Variants in CNGB3 observed in about 807,000 individuals in gnomAD.
The protein encoded by CNGB3 is cyclic nucleotide gated channel subunit beta 3.
CNGB3 carries 86 observed loss-of-function variants against 92.8 expected under a neutral mutation model. The observed-to-expected ratio is 0.93, with a 90% CI of 0.78 to 1.11. CNGB3 has a LOEUF of 1.11. Ranked by LOEUF, CNGB3 falls within the 50% of genes least tolerant of loss-of-function variation. The pLI, the probability that CNGB3 is intolerant of heterozygous loss-of-function variation, is 0.00. For synonymous variants in CNGB3, 333 were observed against 332.7 expected (o/e 1.00, Z -0.01); for missense variants, 1,026 against 956.8 (o/e 1.07, Z -0.95).
At chr8:86,582,107 T>TAGAC (rs71574283) in intron 15 of CNGB3, among the ~76,000 whole-genome samples, 94,765 of 151,604 alleles carry the variant, frequency 0.63, 30,377 homozygotes, top group Admixed American at 0.71. Context: ...TTGGAGTTAT[T>TAGAC]AGGAAATATT....
intron 2 of CNGB3, among the ~76,000 whole-genome samples, chr8:86,739,292 A>G (rs988540046): frequency 2.6e-5 from 4 of 152,166 alleles, no homozygotes; most frequent in African/African-American, 9.7e-5. Flanking sequence ...ATGTCTTCAT[A>G]TTGCTTATCA....
In CNGB3 at chr8:86,708,187, C is replaced by T. The variant is rs538937377; in HGVS notation, c.338+18344G>A. Among the ~76,000 whole-genome samples, 212 of 152,182 alleles carry T rather than the reference C, an allele frequency of 1.4e-3. 1 individual carries two copies. Among genetic ancestry groups the T allele is most frequent in the African/African-American group, 4.8e-3 (200 of 41,536 alleles). Reference sequence around the variant, plus strand: ...CCATGGGACTGAATAAAATCACTTGCTAAAAGAATCTAGGTAAAGAAGGGG... The same window carrying T: ...CCATGGGACTGAATAAAATCACTTGTTAAAAGAATCTAGGTAAAGAAGGGG... On this transcript the variant is annotated intron_variant, in intron 3 of 17. Transcript: ENST00000320005.
chr8:86,632,696 C>G (rs67463707), intron 11 of CNGB3, 56 bp downstream of exon 11: 2 of 1,557,870 alleles, frequency 1.3e-6, no homozygotes, highest in Non-Finnish European at 1.8e-6. Context: ...TTACAAAGAC[C>G]TGTTAGTCTT....
Position 86,626,007 on chromosome 8 carries a change from G to C in CNGB3, c.1554C>G (p.Ile518Met). 6.2e-7 allele frequency: 1 copy of C among 1,613,792 alleles called. No individual in the cohort carries two copies. The highest frequency in any genetic ancestry group is 8.5e-7 in the Non-Finnish European group (1 of 1,179,836). Residue 518 changes from isoleucine (I) to methionine (M), a missense_variant, in exon 13 of 18, where the codon ATC becomes ATG. Ile to Met is a conservative substitution (Grantham distance 10). Coordinates refer to ENST00000320005, the MANE Select transcript of CNGB3 (RefSeq NM_019098.5). ...CCTTGAACAAGTCGACTTTGCTGAT[G>C]ATGCTGAAGTTCACATCAATGGCGA... is the stretch of plus-strand genomic sequence containing the variant. ...LALAIDVNFS[I>M]ISKVDLFKGC...
intron 7 of CNGB3, among the ~76,000 whole-genome samples, chr8:86,651,676 A>G (rs13278533): frequency 0.061 from 9,267 of 151,844 alleles, 313 homozygotes; most frequent in South Asian, 0.12. Flanking sequence ...TTAATCATTG[A>G]CCATTTTTGG....
At chr8:86,635,820 T>TTATATATATATATA (rs1563735294) in intron 10 of CNGB3, among the ~76,000 whole-genome samples, 1 of 62,136 alleles carries the variant, frequency 1.6e-5, no homozygotes, top group Non-Finnish European at 3.0e-5. Flanking sequence ...GTATAACACA[T>TTATATATATATATA]GATATATATA....
chr8:86,612,318 C>T (rs936670436), intron 13 of CNGB3, among the ~76,000 whole-genome samples: 6 of 152,108 alleles, frequency 3.9e-5, no homozygotes, highest in Admixed American at 3.9e-4. Flanking sequence ...ATAACTATAT[C>T]TATATGAGCT....
chr8:86,735,467 A>G (rs1180170642), intron 2 of CNGB3, among the ~76,000 whole-genome samples: 1 of 152,192 alleles, frequency 6.6e-6, no homozygotes, highest in African/African-American at 2.4e-5. Flanking sequence ...GCTTAAAGCA[A>G]CACAGTCAGT....
chr8:86,629,922 C>A (rs3779800), intron 11 of CNGB3, among the ~76,000 whole-genome samples: 53,751 of 151,950 alleles, frequency 0.35, 10,330 homozygotes, highest in African/African-American at 0.51. Context: ...TGGGTTTATA[C>A]TAGGGAGGAA....
At chr8:86,578,655 C>G in intron 17 of CNGB3, 34 bp downstream of exon 17, 1 of 1,610,070 alleles carries the variant, frequency 6.2e-7, no homozygotes, top group Non-Finnish European at 8.5e-7. Flanking sequence ...GGGGCCTTCT[C>G]CATGACAGCC....
At chr8:86,671,123 A>C (rs1388706459) in intron 3 of CNGB3, 25 bp from the exon 4 acceptor site, 3 of 1,611,992 alleles carry the variant, frequency 1.9e-6, no homozygotes, top group Admixed American at 3.3e-5. Context: ...AAATGGCAAT[A>C]GAGATGGGCC....
At chr8:86,653,710 C>T (rs1823448641) in intron 7 of CNGB3, among the ~76,000 whole-genome samples, 1 of 152,006 alleles carries the variant, frequency 6.6e-6, no homozygotes, top group South Asian at 2.1e-4. Flanking sequence ...TAATTGGGGG[C>T]TAGAATTTTG....
rs547170223 is a variant in CNGB3 at position 86,735,203 on chromosome 8, C to T, written c.211+4452G>A. 4.4e-3 allele frequency among the ~76,000 whole-genome samples: 511 copies of T among 116,024 alleles called. 4 individuals carry two copies. The highest frequency in any genetic ancestry group is 0.017 in the African/African-American group (479 of 28,834). 76.1% of individuals were successfully genotyped at this position (116,024 alleles called of 152,430 possible). ...TGTTGCCCAGGCTGGAGTGCAGTGG[C>T]GCAATCTCGGCTCCCTGCAAGCTCC... On this transcript the variant is annotated intron_variant, in intron 2 of 17. Coordinates refer to ENST00000320005, the MANE Select transcript of CNGB3 (RefSeq NM_019098.5).
intron 2 of CNGB3, among the ~76,000 whole-genome samples, chr8:86,730,753 T>C (rs1464334093): frequency 1.3e-5 from 2 of 152,192 alleles, no homozygotes; most frequent in East Asian, 1.9e-4. Flanking sequence ...CTAGTGTACT[T>C]AGAATAATTT....
chr8:86,655,760 C>T (rs1438475675), intron 6 of CNGB3, among the ~76,000 whole-genome samples: 1 of 152,158 alleles, frequency 6.6e-6, no homozygotes, highest in East Asian at 1.9e-4. Context: ...AGTAGGTGTT[C>T]AATAAATGTG....
chr8:86,742,878 GAA>G (rs1825365911), intron 1 of CNGB3, among the ~76,000 whole-genome samples: 1 of 152,108 alleles, frequency 6.6e-6, no homozygotes. Context: ...TAGAACTTGT[GAA>G]AAGGCTTGTT....
chr8:86,586,460 A>G (rs1259106274), intron 15 of CNGB3, among the ~76,000 whole-genome samples: 2 of 147,678 alleles, frequency 1.4e-5, no homozygotes, highest in African/African-American at 5.0e-5. Context: ...AGCATTACGT[A>G]TATCTCCCAA....
intron 6 of CNGB3, among the ~76,000 whole-genome samples, chr8:86,656,354 T>C (rs1334854164): frequency 6.6e-6 from 1 of 152,182 alleles, no homozygotes; most frequent in African/African-American, 2.4e-5. Context: ...ACTTTCAAGG[T>C]TGTCTATGAT....
chr8:86,586,336 A>T (rs200021726), intron 15 of CNGB3, among the ~76,000 whole-genome samples: 61 of 23,796 alleles, frequency 2.6e-3, no homozygotes, highest in Middle Eastern at 0.05. Flanking sequence ...ATTTTTTTTT[A>T]AATTTTTTTT....
Sources: gnomAD v4.1 joint callset for allele counts (sites outside exome capture counted in the v4.1 genomes callset) on GRCh38, gnomAD v4.1.1 for gene constraint, MANE v1.5 for transcripts, NCBI Gene and HGNC (gene_info 2026-07-23, HGNC 2026-07-21) for gene names.